HTR1F: variants seen among roughly 807,000 people sequenced by gnomAD.
The protein encoded by HTR1F is 5-hydroxytryptamine receptor 1F, also known as 5-hydroxytryptamine (serotonin) receptor 1F, G protein-coupled.
HTR1F carries 17 observed loss-of-function variants against 24.0 expected under a neutral mutation model. That is an observed-to-expected ratio of 0.71 (90% confidence interval 0.48 to 1.06). HTR1F has a LOEUF of 1.06. HTR1F is among the 50% of genes least tolerant of loss of function. HTR1F has a pLI of 0.00. For missense variants in HTR1F, 391 were observed against 427.8 expected (o/e 0.91, Z 0.76); for synonymous variants, 186 against 156.8 (o/e 1.19, Z -1.39).
chr3:87,934,700 C>A (rs11916422), intron 2 of HTR1F, among the ~76,000 whole-genome samples: 13,723 of 152,196 alleles, frequency 0.09, 665 homozygotes, highest in African/African-American at 0.12. Context: ...CAGGATCTGT[C>A]TCTGAGCAAT....
chr3:87,830,061 C>T (rs1704545140), intron 2 of HTR1F, among the ~76,000 whole-genome samples: 1 of 152,176 alleles, frequency 6.6e-6, no homozygotes, highest in African/African-American at 2.4e-5. Flanking sequence ...CCTATTATTT[C>T]ATTTGAAATG....
intron 1 of HTR1F, among the ~76,000 whole-genome samples, chr3:87,813,192 A>C (rs1704189616): frequency 6.6e-6 from 1 of 152,190 alleles, no homozygotes; most frequent in South Asian, 2.1e-4. Flanking sequence ...CAGGTATTCA[A>C]TATCAGCCTG....
intron 1 of HTR1F, among the ~76,000 whole-genome samples, chr3:87,812,199 CTGGGTAA>C (rs2107100019): frequency 6.6e-6 from 1 of 152,194 alleles, no homozygotes; most frequent in South Asian, 2.1e-4. Context: ...AACTTTGGAA[CTGGGTAA>C]TGGGCAGAGG....
intron 2 of HTR1F, among the ~76,000 whole-genome samples, chr3:87,912,077 AAG>A (rs1049724409): frequency 6.6e-6 from 1 of 152,106 alleles, no homozygotes; most frequent in Non-Finnish European, 1.5e-5. Flanking sequence ...GCAATCAGAC[AAG>A]AGAAAGAATA....
At chr3:87,850,733 TAAA>T (rs1250018850) in intron 2 of HTR1F, among the ~76,000 whole-genome samples, 2 of 151,156 alleles carry the variant, frequency 1.3e-5, no homozygotes, top group Non-Finnish European at 2.9e-5. Context: ...GCACAAATCA[TAAA>T]GAAAAACATA....
chr3:87,806,972 G>A (rs937367618), intron 1 of HTR1F, among the ~76,000 whole-genome samples: 2 of 151,758 alleles, frequency 1.3e-5, no homozygotes, highest in South Asian at 2.1e-4. Flanking sequence ...TTCTGTATTC[G>A]ATTCCACTGG....
intron 1 of HTR1F, among the ~76,000 whole-genome samples, chr3:87,804,263 A>T (rs1704038911): frequency 6.6e-6 from 1 of 152,168 alleles, no homozygotes; most frequent in Admixed American, 6.5e-5. Flanking sequence ...GAATATATTT[A>T]TAAAACTTTT....
At chr3:87,875,157 T>A (rs1426414676) in intron 2 of HTR1F, among the ~76,000 whole-genome samples, 1 of 152,010 alleles carries the variant, frequency 6.6e-6, no homozygotes, top group Non-Finnish European at 1.5e-5. Context: ...ACTTAAAAAC[T>A]TCTACACAGT....
chr3:87,795,512 G>A (rs116249402), intron 1 of HTR1F, among the ~76,000 whole-genome samples: 2,661 of 152,166 alleles, frequency 0.017, 38 homozygotes, highest in Non-Finnish European at 0.024. Flanking sequence ...AAAGGTGGAC[G>A]GGATGCTGTT....
At chr3:87,942,986 G>A (rs1223689144) in intron 2 of HTR1F, among the ~76,000 whole-genome samples, 1 of 152,184 alleles carries the variant, frequency 6.6e-6, no homozygotes, top group African/African-American at 2.4e-5. Flanking sequence ...TCTCCAGAAA[G>A]GCAGTAGGAT....
chr3:87,975,052 A>G (rs1705364936), intron 2 of HTR1F, among the ~76,000 whole-genome samples: 1 of 152,166 alleles, frequency 6.6e-6, no homozygotes, highest in South Asian at 2.1e-4. Flanking sequence ...TCTAAAACAT[A>G]TGAATTTTAT....
chr3:87,936,397 C>T lies in HTR1F; in HGVS notation c.-42-54311C>T, dbSNP rs184677570. 1.3e-4 allele frequency among the ~76,000 whole-genome samples: 20 copies of T among 152,236 alleles called. No homozygotes were observed. The East Asian group carries it at 3.9e-3, about 29-fold the overall frequency. ...AAAGATTAATAATTTTGCTTTCTTC[C>T]TCTGAGCCACTTGAGTCTCCACGAC... On this transcript the variant is annotated intron_variant, in intron 2 of 2. Coordinates refer to ENST00000319595, the MANE Select transcript of HTR1F (RefSeq NM_001322209.2).
chr3:87,796,490 T>C (rs977019523), intron 1 of HTR1F, among the ~76,000 whole-genome samples: 3 of 152,196 alleles, frequency 2.0e-5, no homozygotes, highest in Middle Eastern at 3.4e-3. Context: ...TTTTATGAAA[T>C]AATTTCAGGG....
At chr3:87,831,358 A>G (rs1349918288) in intron 2 of HTR1F, among the ~76,000 whole-genome samples, 1 of 147,366 alleles carries the variant, frequency 6.8e-6, no homozygotes, top group Non-Finnish European at 1.5e-5. Context: ...TATTATTATT[A>G]TTATTATTAT....
chr3:87,886,243 A>G (rs989514447), intron 2 of HTR1F, among the ~76,000 whole-genome samples: 6 of 152,198 alleles, frequency 3.9e-5, no homozygotes, highest in Non-Finnish European at 7.4e-5. Flanking sequence ...CAAAAACCAC[A>G]TGATTATCTC....
chr3:87,925,621 A>G (rs1259367985), intron 2 of HTR1F, among the ~76,000 whole-genome samples: 1 of 152,196 alleles, frequency 6.6e-6, no homozygotes, highest in Non-Finnish European at 1.5e-5. Flanking sequence ...AAGTCATGCC[A>G]TAGTAGTTTG....
intron 2 of HTR1F, among the ~76,000 whole-genome samples, chr3:87,898,294 G>A (rs1051659085): frequency 1.3e-5 from 2 of 152,124 alleles, no homozygotes; most frequent in Non-Finnish European, 1.5e-5. Flanking sequence ...ATTCATCTTA[G>A]GTCTTCTAGT....
chr3:87,800,671 A>G (rs920369017), intron 1 of HTR1F, among the ~76,000 whole-genome samples: 1 of 152,198 alleles, frequency 6.6e-6, no homozygotes, highest in Non-Finnish European at 1.5e-5. Context: ...AACAGCATCA[A>G]AGGGAAACTT....
chr3:87,884,893 T>C (rs577921789), intron 2 of HTR1F, among the ~76,000 whole-genome samples: 10 of 152,176 alleles, frequency 6.6e-5, no homozygotes, highest in Admixed American at 3.3e-4. Context: ...CACACAATAA[T>C]AATGGGAGAC....
Sources: gnomAD v4.1 joint callset for allele counts (sites outside exome capture counted in the v4.1 genomes callset) on GRCh38, gnomAD v4.1.1 for gene constraint, MANE v1.5 for transcripts, NCBI Gene and HGNC (gene_info 2026-07-23, HGNC 2026-07-21) for gene names.